TXNDC17: variants seen among roughly 807,000 people sequenced by gnomAD.
TXNDC17 encodes the protein thioredoxin domain containing 17, also known as thioredoxin domain-containing protein 17.
TXNDC17 carries 12 observed loss-of-function variants against 16.3 expected under a neutral mutation model. The observed-to-expected ratio is 0.74, with a 90% confidence interval of 0.47 to 1.19. The LOEUF is 1.19. TXNDC17 is among the 50% of genes most tolerant of loss of function. The pLI, the probability that TXNDC17 is intolerant of heterozygous loss-of-function variation, is 0.00. For missense variants in TXNDC17, 158 were observed against 149.7 expected (o/e 1.06, Z -0.29); for synonymous variants, 62 against 55.0 (o/e 1.13, Z -0.56).
At chr17:6,642,858 G>C in intron 3 of TXNDC17, 93 bp from the exon 4 acceptor site, 1 of 899,940 alleles carries the variant, frequency 1.1e-6, no homozygotes, top group South Asian at 1.4e-5. Context: ...TAATTTCTGT[G>C]TTCAAAGATG....
chr17:6,641,485 G>A, intron 1 of TXNDC17: 1 of 636,000 alleles, frequency 1.6e-6, no homozygotes, highest in African/African-American at 1.8e-5. Flanking sequence ...GTGTCTTACA[G>A]GATACGTGAG....
In TXNDC17 at chr17:6,641,798, GT is replaced by G. The variant is rs1972677976; in HGVS notation, c.192del (p.Cys64TrpfsTer8). On this transcript the variant is annotated frameshift_variant, in exon 2 of 4. Transcript: ENST00000250101. LOFTEE classifies it high-confidence loss of function. ...GGGCTGAAGCACATTAGTGAAGGAT[GT>G]GTGTTCATCTACTGCCAAGTAGGAG... ...REGLKHISEG[C>X]VFIYCQVGEK... 6.2e-7 allele frequency: 1 copy of G among 1,614,190 alleles called. No homozygotes were observed. The highest frequency in any genetic ancestry group is 2.2e-5 in the East Asian group (1 of 44,892).
chr17:6,642,928 A>G (rs1972713775), intron 3 of TXNDC17, 23 bp from the exon 4 acceptor site: 3 of 1,588,732 alleles, frequency 1.9e-6, no homozygotes, highest in Non-Finnish European at 2.6e-6. Flanking sequence ...AGTAGTGAAG[A>G]TTTGACTGTT....
rs950400510 is a variant in TXNDC17 at position 6,641,696 on chromosome 17, A to C, written c.146-57A>C. On this transcript the variant is annotated intron_variant, in intron 1 of 3. Coordinates refer to ENST00000250101, the MANE Select transcript of TXNDC17 (RefSeq NM_032731.4). The stretch of plus-strand genomic sequence containing the variant: ...GGGGAAGGGGGAAAGAACACAGTTT[A>C]TACGTGCCTGATTGTAGAGTTGACG... 1.9e-5 allele frequency: 29 copies of C among 1,538,130 alleles called. No individual in the cohort carries two copies. In the African/African-American group the frequency reaches 3.4e-4, roughly 18 times the overall value.
At position 6,644,067 on chromosome 17, in the gene TXNDC17, G is replaced by C; in HGVS notation, c.*1048G>C. 1 of 406,188 alleles carries C rather than the reference G, an allele frequency of 2.5e-6. No homozygotes were observed. The highest frequency in any genetic ancestry group is 3.5e-5 in the East Asian group (1 of 28,354). 25.2% of individuals were successfully genotyped at this position (406,188 alleles called of 1,614,324 possible). On this transcript the variant is annotated 3_prime_UTR_variant, in exon 4 of 4. Coordinates refer to ENST00000250101, the MANE Select transcript of TXNDC17 (RefSeq NM_032731.4). ...CATCTTAGAGTAGAGTGGTAGAGTA[G>C]TTGATCTGAGACAGTAAGGTTCCAG...
In TXNDC17 at chr17:6,644,512, T is replaced by G; in HGVS notation, c.*1493T>G. On this transcript the variant is annotated 3_prime_UTR_variant, in exon 4 of 4. Transcript: ENST00000250101. The stretch of plus-strand genomic sequence containing the variant: ...TTTGCTGTTGCTGCTCTGCCAAGGC[T>G]TGCTGAAGGCGCATCCGCTTCCGGG... 6.2e-7 allele frequency: 1 copy of G among 1,610,050 alleles called. No homozygotes were observed. The highest frequency in any genetic ancestry group is 8.5e-7 in the Non-Finnish European group (1 of 1,179,020).
chr17:6,641,381 C>A (rs1223169352), intron 1 of TXNDC17, 154 bp downstream of exon 1: 2 of 1,119,258 alleles, frequency 1.8e-6, no homozygotes, highest in Non-Finnish European at 2.5e-6. Flanking sequence ...TAAATCCTAC[C>A]CCGCCCTGCC....
intron 2 of TXNDC17, 30 bp from the exon 3 acceptor site, chr17:6,642,219 T>C: frequency 1.3e-6 from 2 of 1,518,576 alleles, no homozygotes; most frequent in Non-Finnish European, 1.8e-6. Context: ...AAGTAAATTT[T>C]TTTCATGATC....
chr17:6,641,374 A>G, intron 1 of TXNDC17, 147 bp downstream of exon 1: 2 of 1,178,556 alleles, frequency 1.7e-6, no homozygotes, highest in Non-Finnish European at 2.3e-6. Flanking sequence ...CTTCTATTAA[A>G]TCCTACCCCG....
At chr17:6,641,481 T>G in intron 1 of TXNDC17, 1 of 637,406 alleles carries the variant, frequency 1.6e-6, no homozygotes, top group Non-Finnish European at 2.7e-6. Context: ...ATTAGTGTCT[T>G]ACAGGATACG....
chr17:6,643,143 T>C lies in TXNDC17; in HGVS notation c.*124T>C. The C allele has an allele frequency of 1.3e-6, 1 of 761,098 alleles. No homozygotes were observed. Among genetic ancestry groups the C allele is most frequent in the Non-Finnish European group, 2.2e-6 (1 of 457,070 alleles). The allele number at this position is 761,098 out of a possible 1,614,324, so 47.1% of individuals were successfully genotyped here. Reference sequence around the variant, plus strand: ...AAAAAACTGGCATGTGTCTAAACAATAGAGTGCTATTAAAATGCCCATGAA... The same window carrying C: ...AAAAAACTGGCATGTGTCTAAACAACAGAGTGCTATTAAAATGCCCATGAA... On this transcript the variant is annotated 3_prime_UTR_variant, in exon 4 of 4. Coordinates refer to ENST00000250101, the MANE Select transcript of TXNDC17 (RefSeq NM_032731.4).
chr17:6,642,006 G>T (rs1435044881), intron 2 of TXNDC17, 172 bp downstream of exon 2: 1 of 706,952 alleles, frequency 1.4e-6, no homozygotes, highest in African/African-American at 1.8e-5. Context: ...TTAAGTAAGG[G>T]TAATTCAACG....
Position 6,644,151 on chromosome 17 carries a change from G to A in TXNDC17, c.*1132G>A. 4.7e-6 allele frequency: 2 copies of A among 426,208 alleles called. No individual in the cohort carries two copies. The highest frequency in any genetic ancestry group is 6.9e-5 in the East Asian group (2 of 29,144). The allele number at this position is 426,208 out of a possible 1,614,324, so 26.4% of individuals were successfully genotyped here. A position where few individuals can be genotyped will look rare whatever the true frequency, so the allele number is the denominator to read the frequency against. On this transcript the variant is annotated 3_prime_UTR_variant, in exon 4 of 4. Coordinates refer to ENST00000250101, the MANE Select transcript of TXNDC17 (RefSeq NM_032731.4). ...GCTAGCCTTAGAATTCAGTATACTT[G>A]GTGGCCCACCCCTACCCCATGCCCC...
At position 6,643,222 on chromosome 17, in the gene TXNDC17, G is replaced by A; in HGVS notation, c.*203G>A. ...TTTTTAAGATATAAAGAAGTCTTCA[G>A]AAATAGCAGTAAAGGCTCAAAGGAA... On this transcript the variant is annotated 3_prime_UTR_variant, in exon 4 of 4. Coordinates refer to ENST00000250101, the MANE Select transcript of TXNDC17 (RefSeq NM_032731.4). 2.0e-6 allele frequency: 1 copy of A among 493,952 alleles called. No individual in the cohort carries two copies. Among genetic ancestry groups the A allele is most frequent in the Non-Finnish European group, 3.6e-6 (1 of 279,082 alleles). 30.6% of individuals were successfully genotyped at this position (493,952 alleles called of 1,614,324 possible).
rs143471344 is a variant in TXNDC17, at chr17:6,643,368, T to C, written c.*349T>C. 4.3e-5 allele frequency: 8 copies of C among 185,530 alleles called. No individual in the cohort carries two copies. The East Asian group carries it at 1.2e-3, about 27-fold the overall frequency. The allele number at this position is 185,530 out of a possible 1,614,324, so 11.5% of individuals were successfully genotyped here. On this transcript the variant is annotated 3_prime_UTR_variant, in exon 4 of 4. Coordinates refer to ENST00000250101, the MANE Select transcript of TXNDC17 (RefSeq NM_032731.4). ...TTATCTCCATCTGCAAAGCAACTGA[T>C]GATATTCCTGAAACCCCTTCTTTGA...
chr17:6,641,846 T>C lies in TXNDC17; in HGVS notation c.227+12T>C. The stretch of plus-strand genomic sequence containing the variant: ...GGAGAAAAGCCTTAGTAAGTGGCAA[T>C]GTATAATCTACCTCGCAGACGTGCA... On this transcript the variant is annotated intron_variant, in intron 2 of 3. Transcript: ENST00000250101. 1 of 1,613,090 alleles carries C rather than the reference T, an allele frequency of 6.2e-7. No homozygotes were observed. The highest frequency in any genetic ancestry group is 8.5e-7 in the Non-Finnish European group (1 of 1,179,068).
At position 6,644,314 on chromosome 17, in the gene TXNDC17, T is replaced by TTA; in HGVS notation, c.*1295_*1296insTA. 1.3e-6 allele frequency: 1 copy of TTA among 792,072 alleles called. No individual in the cohort carries two copies. The highest frequency in any genetic ancestry group is 1.8e-6 in the Non-Finnish European group (1 of 549,174). 49.1% of individuals were successfully genotyped at this position (792,072 alleles called of 1,614,324 possible). On this transcript the variant is annotated 3_prime_UTR_variant, in exon 4 of 4. Transcript: ENST00000250101. ...TTCAGGTTTAACAGAAATAGTCTAT[T>TTA]AACAATAAAAAGTTGGATGAAAAAG...
At chr17:6,642,212 T>C in intron 2 of TXNDC17, 37 bp from the exon 3 acceptor site, 1 of 1,450,584 alleles carries the variant, frequency 6.9e-7, no homozygotes. Context: ...ATAAACCAAG[T>C]AAATTTTTTT....
At position 6,643,273 on chromosome 17, in the gene TXNDC17, C is replaced by T. The variant is rs1030784452; in HGVS notation, c.*254C>T. 1 of 361,796 alleles carries T rather than the reference C, an allele frequency of 2.8e-6. No homozygotes were observed. The highest frequency in any genetic ancestry group is 5.0e-6 in the Non-Finnish European group (1 of 198,138). 22.4% of individuals were successfully genotyped at this position (361,796 alleles called of 1,614,324 possible). The stretch of plus-strand genomic sequence containing the variant: ...CGTATTCTTGAAGGTGACGGAAATA[C>T]CTAAAAACTCCTAAAGGTGCAGAGC... On this transcript the variant is annotated 3_prime_UTR_variant, in exon 4 of 4. Transcript: ENST00000250101.
Sources: gnomAD v4.1 joint callset for allele counts on GRCh38, gnomAD v4.1.1 for gene constraint, MANE v1.5 for transcripts, NCBI Gene and HGNC (gene_info 2026-07-23, HGNC 2026-07-21) for gene names.